DPP10: variants seen among roughly 807,000 people sequenced by gnomAD.
DPP10 encodes inactive dipeptidyl peptidase 10.
Under a neutral mutation model 120.9 loss-of-function variants are expected in DPP10, and 33 were observed. The ratio of observed to expected loss-of-function variants is 0.27; its 90% CI spans 0.21 to 0.37. DPP10 has a LOEUF of 0.37. Ranked by LOEUF, DPP10 falls within the 10% of genes least tolerant of loss-of-function variation. The pLI is 1.00. For synonymous variants in DPP10, 337 were observed against 326.1 expected (o/e 1.03, Z -0.36); for missense variants, 816 against 942.8 (o/e 0.87, Z 1.76).
At chr2:114,712,878 T>C (rs1257831294) in intron 1 of DPP10, among the ~76,000 whole-genome samples, 5 of 152,166 alleles carry the variant, frequency 3.3e-5, no homozygotes, top group Non-Finnish European at 7.4e-5. Context: ...AGTTGTATAA[T>C]ATTATTTCAA....
intron 3 of DPP10, among the ~76,000 whole-genome samples, chr2:115,392,419 G>T (rs2106547451): frequency 6.6e-6 from 1 of 152,036 alleles, no homozygotes; most frequent in South Asian, 2.1e-4. Context: ...TTGTTGAACT[G>T]CATTTTAGAG....
At chr2:114,578,412 T>A (rs1049608105) in intron 1 of DPP10, among the ~76,000 whole-genome samples, 1 of 152,238 alleles carries the variant, frequency 6.6e-6, no homozygotes, top group Non-Finnish European at 1.5e-5. Context: ...CACATTTTTA[T>A]GGTCCATTTC....
At chr2:114,536,137 A>G (rs1278978457) in intron 1 of DPP10, among the ~76,000 whole-genome samples, 2 of 152,068 alleles carry the variant, frequency 1.3e-5, no homozygotes, top group Admixed American at 6.6e-5. Context: ...CTGCATCGAC[A>G]TGGTTTGCCT....
intron 1 of DPP10, among the ~76,000 whole-genome samples, chr2:114,868,956 T>A (rs1178605060): frequency 2.0e-5 from 3 of 152,080 alleles, no homozygotes; most frequent in African/African-American, 7.2e-5. Context: ...TAAGAATGCC[T>A]ACCTCACAAG....
intron 13 of DPP10, among the ~76,000 whole-genome samples, chr2:115,768,954 T>C (rs1681126929): frequency 6.6e-6 from 1 of 151,966 alleles, no homozygotes; most frequent in South Asian, 2.1e-4. Flanking sequence ...TGTTTTTTTT[T>C]TAGACTTTCC....
At chr2:115,705,144 T>C (rs1044755556) in intron 7 of DPP10, among the ~76,000 whole-genome samples, 5 of 151,970 alleles carry the variant, frequency 3.3e-5, no homozygotes, top group Non-Finnish European at 5.9e-5. Flanking sequence ...AGACTTTAAA[T>C]TTGTGATATA....
intron 2 of DPP10, among the ~76,000 whole-genome samples, chr2:115,327,651 G>C (rs971118956): frequency 2.1e-4 from 32 of 151,966 alleles, no homozygotes; most frequent in Non-Finnish European, 3.8e-4. Flanking sequence ...AATGTGGTGA[G>C]TTTAGCTCAT....
At chr2:115,492,750 C>T (rs2076191193) in intron 3 of DPP10, among the ~76,000 whole-genome samples, 1 of 151,974 alleles carries the variant, frequency 6.6e-6, no homozygotes, top group African/African-American at 2.4e-5. Context: ...GAAATAGGTT[C>T]CTTCTTGAGT....
At chr2:115,640,346 C>CT (rs5833615) in intron 5 of DPP10, among the ~76,000 whole-genome samples, 150,938 of 151,914 alleles carry the variant, frequency 0.99, 74,993 homozygotes, top group Middle Eastern at 1. Flanking sequence ...TTTTCTGCCC[C>CT]CTCCTCCTCC....
At chr2:114,827,643 A>ATGTG (rs892398335) in intron 1 of DPP10, among the ~76,000 whole-genome samples, 1 of 151,968 alleles carries the variant, frequency 6.6e-6, no homozygotes, top group South Asian at 2.1e-4. Context: ...GTGTGCATGC[A>ATGTG]TGTGTGTGTG....
chr2:115,019,865 C>T (rs1702942874), intron 1 of DPP10, among the ~76,000 whole-genome samples: 1 of 152,210 alleles, frequency 6.6e-6, no homozygotes, highest in African/African-American at 2.4e-5. Flanking sequence ...TATCTTTAGC[C>T]TCCTTGAGCA....
At chr2:115,712,137 C>A (rs4343474) in intron 7 of DPP10, among the ~76,000 whole-genome samples, 95,808 of 150,798 alleles carry the variant, frequency 0.64, 32,498 homozygotes, top group East Asian at 0.91. Flanking sequence ...TTATACAACT[C>A]ACCATAATGC....
At chr2:115,219,583 C>A (rs912572002) in intron 1 of DPP10, among the ~76,000 whole-genome samples, 6 of 152,040 alleles carry the variant, frequency 3.9e-5, no homozygotes, top group African/African-American at 1.4e-4. Context: ...TACTTATCAA[C>A]CATCAAAATG....
At chr2:115,818,855 TAA>T (rs1385888995) in intron 21 of DPP10, among the ~76,000 whole-genome samples, 4 of 152,148 alleles carry the variant, frequency 2.6e-5, no homozygotes, top group Non-Finnish European at 4.4e-5. Flanking sequence ...TCTGGAAAAC[TAA>T]AAGAGTGACA....
rs184325850 is a variant in DPP10 at position 115,167,374 on chromosome 2, G to A, written c.61-141865G>A. The stretch of plus-strand genomic sequence containing the variant: ...GGAGTTCTAGACCAGCGTGGGCAAC[G>A]TAATGTGACTTTGTCTCTAAAACAA... On this transcript the variant is annotated intron_variant, in intron 1 of 25. Transcript: ENST00000410059. Among the ~76,000 whole-genome samples, 42 of 151,506 alleles carry A rather than the reference G, an allele frequency of 2.8e-4. No homozygotes were observed. In the East Asian group the frequency reaches 7.9e-3, roughly 29 times the overall value.
intron 1 of DPP10, among the ~76,000 whole-genome samples, chr2:114,989,729 T>A (rs1043573561): frequency 8.5e-5 from 13 of 152,200 alleles, no homozygotes; most frequent in Non-Finnish European, 1.5e-4. Flanking sequence ...ATAATCACAA[T>A]TAAGATTTAA....
intron 1 of DPP10, among the ~76,000 whole-genome samples, chr2:115,078,530 A>G (rs1335332855): frequency 6.6e-6 from 1 of 152,226 alleles, no homozygotes; most frequent in African/African-American, 2.4e-5. Context: ...AGGTGTAAAC[A>G]AATTGCTGTT....
chr2:115,398,337 CATT>C (rs1324577641), intron 3 of DPP10, among the ~76,000 whole-genome samples: 1 of 152,076 alleles, frequency 6.6e-6, no homozygotes, highest in East Asian at 1.9e-4. Context: ...GAAGCAAATG[CATT>C]ATTAAGTAGT....
intron 4 of DPP10, among the ~76,000 whole-genome samples, chr2:115,514,048 C>A (rs1487037898): frequency 6.6e-6 from 1 of 151,882 alleles, no homozygotes; most frequent in Non-Finnish European, 1.5e-5. Context: ...TCTTTGTTGA[C>A]AAGCTTTTTC....
Sources: allele counts gnomAD v4.1 joint callset (sites outside exome capture counted in the v4.1 genomes callset), GRCh38; gene constraint gnomAD v4.1.1; transcripts MANE v1.5; gene names NCBI Gene and HGNC (gene_info 2026-07-23, HGNC 2026-07-21).